Variants in GNAQ observed in about 807,000 individuals in gnomAD.
The protein encoded by GNAQ is guanine nucleotide-binding protein G(q) subunit alpha.
Under a neutral mutation model 43.9 loss-of-function variants are expected in GNAQ, and 8 were observed. That is an observed-to-expected ratio of 0.18 (90% CI 0.11 to 0.33). The LOEUF is 0.33. GNAQ is among the 10% of genes least tolerant of loss of function. The pLI, the probability that GNAQ is intolerant of heterozygous loss-of-function variation, is 1.00. For synonymous variants in GNAQ, 155 were observed against 170.7 expected, an observed-to-expected ratio of 0.91 and a Z score of 0.71; for missense variants, 158 against 450.8, an observed-to-expected ratio of 0.35 and a Z score of 5.88.
At chr9:77,736,231 G>A (rs1264714295) in intron 5 of GNAQ, among the ~76,000 whole-genome samples, 1 of 152,138 alleles carries the variant, frequency 6.6e-6, no homozygotes, top group Non-Finnish European at 1.5e-5. Flanking sequence ...CGTTAAAGGG[G>A]AGGATCTTCA....
In GNAQ at chr9:77,930,444, A is replaced by T. The variant is rs183427025; in HGVS notation, c.137-8099T>A. Among the ~76,000 whole-genome samples, 746 of 152,278 alleles carry T rather than the reference A, an allele frequency of 4.9e-3. 4 individuals are homozygous for T. The highest frequency in any genetic ancestry group is 8.6e-3 in the Non-Finnish European group (583 of 68,006). ...TTTACAAATATTTCCCCAATTTGTC[A>T]TTTTATTTTCATTTGTTGACAAAAC... On this transcript the variant is annotated intron_variant, in intron 1 of 6. Transcript: ENST00000286548.
intron 2 of GNAQ, among the ~76,000 whole-genome samples, chr9:77,822,624 TA>T (rs111910216): frequency 0.023 from 3,008 of 131,408 alleles, 61 homozygotes; most frequent in African/African-American, 0.063. Context: ...GCTTTTTGAT[TA>T]AAAAAAAAAA....
intron 3 of GNAQ, among the ~76,000 whole-genome samples, chr9:77,804,440 A>G (rs980069335): frequency 1.3e-5 from 2 of 152,314 alleles, no homozygotes; most frequent in East Asian, 1.9e-4. Context: ...TGTGAGGCAG[A>G]AAGATTGCTT....
intron 5 of GNAQ, among the ~76,000 whole-genome samples, chr9:77,763,910 C>T (rs867443294): frequency 2.6e-5 from 4 of 152,138 alleles, no homozygotes; most frequent in Non-Finnish European, 5.9e-5. Flanking sequence ...CTTGTTCTTT[C>T]GGCAATACAT....
chr9:78,028,496 G>T (rs994382224), intron 1 of GNAQ, among the ~76,000 whole-genome samples: 4 of 152,006 alleles, frequency 2.6e-5, no homozygotes, highest in Non-Finnish European at 5.9e-5. Flanking sequence ...CAAATGCAAG[G>T]GTACCCACTT....
At chr9:77,834,558 G>A (rs1391015229) in intron 2 of GNAQ, among the ~76,000 whole-genome samples, 1 of 151,712 alleles carries the variant, frequency 6.6e-6, no homozygotes, top group East Asian at 1.9e-4. Context: ...CAAATTTAAT[G>A]TATCATATTC....
At chr9:77,779,160 AT>A (rs1217046485) in intron 5 of GNAQ, among the ~76,000 whole-genome samples, 8 of 151,980 alleles carry the variant, frequency 5.3e-5, no homozygotes, top group Non-Finnish European at 1.2e-4. Context: ...GACAGACCAC[AT>A]TATGGGCCAT....
intron 2 of GNAQ, among the ~76,000 whole-genome samples, chr9:77,899,840 A>G (rs868697202): frequency 3.9e-5 from 6 of 152,202 alleles, no homozygotes; most frequent in African/African-American, 4.8e-5. Flanking sequence ...TATCAAATGC[A>G]CGGAACTGTG....
chr9:77,800,724 T>A (rs10781463), intron 3 of GNAQ, among the ~76,000 whole-genome samples: 120,546 of 152,070 alleles, frequency 0.79, 47,913 homozygotes, highest in Admixed American at 0.85. Context: ...TAAATAAATT[T>A]AAAAAAGAAA....
intron 1 of GNAQ, among the ~76,000 whole-genome samples, chr9:77,937,748 C>T (rs2118330483): frequency 2.0e-5 from 3 of 150,518 alleles, no homozygotes; most frequent in South Asian, 4.2e-4. Context: ...CAAAATCAGC[C>T]AGGCGTGGTG....
chr9:77,862,271 G>A (rs1827867462), intron 2 of GNAQ, among the ~76,000 whole-genome samples: 1 of 152,162 alleles, frequency 6.6e-6, no homozygotes, highest in Non-Finnish European at 1.5e-5. Flanking sequence ...CTGTGTGGGG[G>A]CTCTGACCTC....
chr9:77,824,539 T>C (rs1664609579), intron 2 of GNAQ, among the ~76,000 whole-genome samples: 1 of 152,206 alleles, frequency 6.6e-6, no homozygotes, highest in South Asian at 2.1e-4. Context: ...ATAACTATTC[T>C]AAGAATATTT....
chr9:77,877,965 T>C (rs1032481259), intron 2 of GNAQ, among the ~76,000 whole-genome samples: 18 of 152,120 alleles, frequency 1.2e-4, no homozygotes, highest in Non-Finnish European at 2.5e-4. Flanking sequence ...CTAACACCAT[T>C]TGCTTCCCCT....
chr9:77,838,542 T>C (rs1347345731), intron 2 of GNAQ, among the ~76,000 whole-genome samples: 1 of 152,032 alleles, frequency 6.6e-6, no homozygotes. Flanking sequence ...GTTTTCTGGG[T>C]GGGAAGCAAC....
chr9:77,941,255 CT>C (rs755624020), intron 1 of GNAQ, among the ~76,000 whole-genome samples: 96 of 145,672 alleles, frequency 6.6e-4, no homozygotes, highest in Admixed American at 6.9e-4. Flanking sequence ...GCTACCATAT[CT>C]TTTTTTTTTT....
At chr9:77,932,292 T>C (rs534394137) in intron 1 of GNAQ, among the ~76,000 whole-genome samples, 3 of 152,196 alleles carry the variant, frequency 2.0e-5, no homozygotes, top group East Asian at 1.9e-4. Context: ...TGGATATAGA[T>C]TGCATATCAG....
chr9:77,962,379 A>G (rs556166142), intron 1 of GNAQ, among the ~76,000 whole-genome samples: 2 of 152,328 alleles, frequency 1.3e-5, no homozygotes, highest in South Asian at 2.1e-4. Flanking sequence ...GCAGTTCATA[A>G]TCATCCTGCT....
chr9:77,786,825 C>T (rs182889893), intron 5 of GNAQ, among the ~76,000 whole-genome samples: 1 of 152,296 alleles, frequency 6.6e-6, no homozygotes, highest in East Asian at 1.9e-4. Context: ...AATACTACTA[C>T]TAGGTACATA....
intron 1 of GNAQ, among the ~76,000 whole-genome samples, chr9:77,951,094 T>TTA (rs1822970598): frequency 7.6e-6 from 1 of 132,018 alleles, no homozygotes; most frequent in Non-Finnish European, 1.6e-5. Context: ...CAAGTGTTCT[T>TTA]TTTTTTTTTT....
Sources: allele counts gnomAD v4.1 joint callset (sites outside exome capture counted in the v4.1 genomes callset), GRCh38; gene constraint gnomAD v4.1.1; transcripts MANE v1.5; gene names NCBI Gene and HGNC (gene_info 2026-07-23, HGNC 2026-07-21).